Variants in ERI1 observed in about 807,000 individuals in gnomAD.
The protein encoded by ERI1 is 3'-5' exoribonuclease 1.
Under a neutral mutation model 39.7 loss-of-function variants are expected in ERI1, and 39 were observed. The observed-to-expected ratio is 0.98, with a 90% confidence interval of 0.76 to 1.28. The LOEUF (loss-of-function observed/expected upper bound fraction) is 1.28. Among genes scored for constraint, ERI1 ranks in the 50% most tolerant of loss-of-function variants. The pLI is 0.00. For synonymous variants in ERI1, 204 were observed against 149.6 expected (o/e 1.36, Z -2.65); for missense variants, 581 against 416.9 (o/e 1.39, Z -3.43).
rs377615109 is a variant in ERI1, at chr8:9,067,095, C to T, written n.299+46631C>T. ...CATTGCCCTACCTATTTCTAAAAAT[C>T]GCATGAGTCTCCAAAATTGCAAGTG... On this transcript the variant is annotated intron_variant and non_coding_transcript_variant, in intron 3 of 3. Transcript: ENST00000518663. 3.3e-5 allele frequency among the ~76,000 whole-genome samples: 5 copies of T among 152,248 alleles called. No homozygotes were observed. In the East Asian group the frequency reaches 7.7e-4, roughly 24 times the overall value.
At chr8:9,020,329 T>G (rs777510257) in intron 5 of ERI1, 21 bp from the exon 6 acceptor site, 1 of 1,376,400 alleles carries the variant, frequency 7.3e-7, no homozygotes, top group Non-Finnish European at 1.0e-6. Flanking sequence ...CATCAATTTT[T>G]TGTCCTTTTT....
rs1424811092 is a variant in ERI1, at chr8:9,032,604, C to G, written c.*2570C>G. Reference sequence around the variant, plus strand: ...AAACACAGGCGTCACAAGCATGTTACCTATTAAGAGAGAGAGGGTATCTCT... The same window carrying G: ...AAACACAGGCGTCACAAGCATGTTAGCTATTAAGAGAGAGAGGGTATCTCT... On this transcript the variant is annotated 3_prime_UTR_variant, in exon 7 of 7. Coordinates refer to ENST00000250263, the MANE Select transcript of ERI1 (RefSeq NM_153332.4). 6.6e-6 allele frequency: 1 copy of G among 152,120 alleles called. No individual in the cohort carries two copies. Among genetic ancestry groups the G allele is most frequent in the African/African-American group, 2.4e-5 (1 of 41,420 alleles). The allele number at this position is 152,120 out of a possible 1,614,324, so 9.4% of individuals were successfully genotyped here.
At chr8:9,080,164 T>G (rs1011241182) in intron 3 of ERI1, among the ~76,000 whole-genome samples, 2 of 152,156 alleles carry the variant, frequency 1.3e-5, no homozygotes, top group African/African-American at 2.4e-5. Flanking sequence ...CAGCGACTTG[T>G]GGTAATAGAA....
intron 3 of ERI1, among the ~76,000 whole-genome samples, chr8:9,065,931 C>G (rs1280660191): frequency 6.6e-6 from 1 of 152,086 alleles, no homozygotes; most frequent in Non-Finnish European, 1.5e-5. Context: ...GGCTGGGCCT[C>G]TCTCTCCAAG....
At chr8:9,045,282 A>G (rs1333325477) in intron 3 of ERI1, among the ~76,000 whole-genome samples, 3 of 151,132 alleles carry the variant, frequency 2.0e-5, no homozygotes, top group Non-Finnish European at 4.4e-5. Flanking sequence ...TTCAGCCCTA[A>G]GCTGGCTTCT....
chr8:9,004,384 C>G, intron 1 of ERI1: 1 of 771,226 alleles, frequency 1.3e-6, no homozygotes, highest in South Asian at 2.4e-5. Context: ...AAAGTCTTGA[C>G]ACTTTTACAG....
intron 3 of ERI1, among the ~76,000 whole-genome samples, chr8:9,050,069 G>A (rs1475524198): frequency 6.6e-6 from 1 of 151,686 alleles, no homozygotes; most frequent in Non-Finnish European, 1.5e-5. Context: ...TGGTCTGTAA[G>A]ATAGAACTAA....
chr8:9,004,395 C>A, intron 1 of ERI1: 1 of 633,930 alleles, frequency 1.6e-6, no homozygotes, highest in Non-Finnish European at 2.1e-6. Context: ...ACTTTTACAG[C>A]TACTTAAGGC....
chr8:9,053,250 C>G (rs1443683930), intron 3 of ERI1, among the ~76,000 whole-genome samples: 1 of 152,202 alleles, frequency 6.6e-6, no homozygotes, highest in East Asian at 1.9e-4. Flanking sequence ...CTCCTGACCT[C>G]AAGTGGTCCG....
chr8:9,088,754 G>C (rs1006503541), intron 3 of ERI1, among the ~76,000 whole-genome samples: 4 of 152,172 alleles, frequency 2.6e-5, no homozygotes, highest in African/African-American at 9.7e-5. Context: ...TGTTCTCCTG[G>C]GTAATTTCAG....
intron 3 of ERI1, among the ~76,000 whole-genome samples, chr8:9,085,522 TATAA>T (rs1225455108): frequency 2.6e-5 from 4 of 151,922 alleles, no homozygotes; most frequent in Non-Finnish European, 4.4e-5. Flanking sequence ...CATCTTTTTT[TATAA>T]ATAAATTTTT....
At chr8:9,058,239 C>T (rs1446028709) in intron 3 of ERI1, among the ~76,000 whole-genome samples, 2 of 152,174 alleles carry the variant, frequency 1.3e-5, no homozygotes, top group Non-Finnish European at 2.9e-5. Flanking sequence ...TCCGGCAGAG[C>T]TGATGGGATT....
At chr8:9,064,041 G>C (rs766090736) in intron 3 of ERI1, among the ~76,000 whole-genome samples, 15 of 151,712 alleles carry the variant, frequency 9.9e-5, no homozygotes, top group Non-Finnish European at 1.9e-4. Flanking sequence ...GTTGGGGTGT[G>C]TAAATAAGGG....
chr8:9,081,792 A>G (rs543814390), intron 3 of ERI1, among the ~76,000 whole-genome samples: 2 of 151,978 alleles, frequency 1.3e-5, no homozygotes, highest in African/African-American at 2.4e-5. Context: ...GCTCCCCTGT[A>G]CAGAGACAAA....
intron 3 of ERI1, among the ~76,000 whole-genome samples, chr8:9,097,440 A>G (rs1455254828): frequency 6.6e-6 from 1 of 152,146 alleles, no homozygotes; most frequent in Non-Finnish European, 1.5e-5. Context: ...AGGCAGGTGG[A>G]TCTCCTGAGT....
At chr8:9,023,388 A>G (rs1189306191) in intron 6 of ERI1, among the ~76,000 whole-genome samples, 1 of 152,162 alleles carries the variant, frequency 6.6e-6, no homozygotes, top group African/African-American at 2.4e-5. Context: ...TCCCAGATGG[A>G]ATAATTTTTA....
chr8:9,053,642 A>G (rs1384238365), intron 3 of ERI1, among the ~76,000 whole-genome samples: 1 of 152,188 alleles, frequency 6.6e-6, no homozygotes, highest in East Asian at 1.9e-4. Flanking sequence ...ATTTATAGTC[A>G]GCCAGGTAGA....
chr8:9,089,011 A>T (rs543164367), intron 3 of ERI1, among the ~76,000 whole-genome samples: 1 of 152,320 alleles, frequency 6.6e-6, no homozygotes, highest in South Asian at 2.1e-4. Flanking sequence ...CTTTAGAGTT[A>T]GCCAGACTTA....
intron 3 of ERI1, among the ~76,000 whole-genome samples, chr8:9,096,578 T>C (rs1471057760): frequency 6.6e-6 from 1 of 152,118 alleles, no homozygotes; most frequent in Non-Finnish European, 1.5e-5. Context: ...GGCTTGGGGC[T>C]GACCTCGGAA....
Sources: gnomAD v4.1 joint callset for allele counts (sites outside exome capture counted in the v4.1 genomes callset) on GRCh38, gnomAD v4.1.1 for gene constraint, MANE v1.5 for transcripts, NCBI Gene and HGNC (gene_info 2026-07-23, HGNC 2026-07-21) for gene names.